SLC25A17: variants seen among roughly 807,000 people sequenced by gnomAD.
SLC25A17 encodes the protein solute carrier family 25 member 17, also known as peroxisomal membrane protein PMP34.
SLC25A17 carries 26 observed loss-of-function variants against 38.5 expected under a neutral mutation model. That is an observed-to-expected ratio of 0.68 (90% CI 0.50 to 0.94). The LOEUF (loss-of-function observed/expected upper bound fraction) is 0.94. Ranked by LOEUF, SLC25A17 falls within the 40% of genes least tolerant of loss-of-function variation. The probability of loss-of-function intolerance (pLI) is 0.00; values close to 1 mark genes in which losing one functional copy is unlikely to be tolerated. For synonymous variants in SLC25A17, 139 were observed against 136.2 expected (o/e 1.02, Z -0.14); for missense variants, 333 against 372.7 (o/e 0.89, Z 0.88).
rs1483747641 is a variant in SLC25A17, at chr22:40,792,532, A to C, written c.327T>G (p.Phe109Leu). ...STTGKDLVVG[F>L]VAGVVNVLLT... ...CCCAGAAAACCTTGTTACCTGCAAC[A>C]AACCCAACTACCAGATCTTTTCCAG... Residue 109 changes from phenylalanine (F) to leucine (L), a missense_variant, in exon 4 of 9, where the codon TTT becomes TTG. By Grantham distance (22) the Phe-to-Leu change is conservative (BLOSUM62 0). Transcript: ENST00000435456. The C allele has an allele frequency of 6.2e-7, 1 of 1,607,810 alleles. No individual in the cohort carries two copies. Among genetic ancestry groups the C allele is most frequent in the Non-Finnish European group, 8.5e-7 (1 of 1,176,872 alleles).
intron 1 of SLC25A17, among the ~76,000 whole-genome samples, chr22:40,811,884 T>A (rs1201018249): frequency 6.6e-6 from 1 of 150,818 alleles, no homozygotes; most frequent in Non-Finnish European, 1.5e-5. Context: ...GGGTCAAACA[T>A]CCAAACTGAG....
At chr22:40,792,194 T>A (rs1395457406) in intron 4 of SLC25A17, among the ~76,000 whole-genome samples, 1 of 152,112 alleles carries the variant, frequency 6.6e-6, no homozygotes, top group African/African-American at 2.4e-5. Context: ...AGTCAAATTC[T>A]TAGAAACCGA....
chr22:40,802,450 G>T (rs1785791170), intron 1 of SLC25A17, among the ~76,000 whole-genome samples: 1 of 152,018 alleles, frequency 6.6e-6, no homozygotes, highest in African/African-American at 2.4e-5. Flanking sequence ...TTCGAGACCA[G>T]CCTGGCCAAC....
Position 40,792,583 on chromosome 22 carries a change from G to T in SLC25A17, c.276C>A (p.Leu92=), listed in dbSNP as rs751877628. The T allele has an allele frequency of 5.0e-6, 8 of 1,614,038 alleles. No individual in the cohort carries two copies. Among genetic ancestry groups the T allele is most frequent in the Non-Finnish European group, 6.8e-6 (8 of 1,179,966 alleles). The change falls in exon 4 of 9, where the codon CTC becomes CTA. Residue 92 remains leucine, a synonymous_variant. Coordinates refer to ENST00000435456, the MANE Select transcript of SLC25A17 (RefSeq NM_006358.4). The part of the protein sequence containing the change: ...YFYTFNSLKA[L]WVKGQHSTTG... Reference sequence around the variant, plus strand: ...TGGTAGAATGTTGACCTTTGACCCAGAGTGCTTTGAGGCTATTAAAAGTGT... The same window carrying T: ...TGGTAGAATGTTGACCTTTGACCCATAGTGCTTTGAGGCTATTAAAAGTGT...
At chr22:40,776,981 A>C in intron 7 of SLC25A17, 59 bp downstream of exon 7, 3 of 1,350,446 alleles carry the variant, frequency 2.2e-6, no homozygotes, top group Non-Finnish European at 2.1e-6. Flanking sequence ...TTTTAAATCA[A>C]GAGACTACAT....
chr22:40,814,802 T>C (rs985557292), intron 1 of SLC25A17, among the ~76,000 whole-genome samples: 1 of 148,236 alleles, frequency 6.7e-6, no homozygotes, highest in Non-Finnish European at 1.5e-5. Flanking sequence ...GTTGTTGTTG[T>C]TGTTGTTTTG....
At chr22:40,785,915 A>G (rs2057334103) in intron 4 of SLC25A17, among the ~76,000 whole-genome samples, 1 of 151,950 alleles carries the variant, frequency 6.6e-6, no homozygotes, top group South Asian at 2.1e-4. Flanking sequence ...GATTATTGAC[A>G]TGAGCCACTG....
At chr22:40,795,447 G>A (rs755339300) in intron 2 of SLC25A17, among the ~76,000 whole-genome samples, 55 of 152,016 alleles carry the variant, frequency 3.6e-4, no homozygotes, top group Non-Finnish European at 5.9e-4. Flanking sequence ...CGCCCACCAC[G>A]ATGCCCGGCT....
At chr22:40,794,468 C>T in intron 3 of SLC25A17, 46 bp downstream of exon 3, 1 of 1,137,430 alleles carries the variant, frequency 8.8e-7, no homozygotes, top group Non-Finnish European at 1.3e-6. Context: ...GCACAGGAAT[C>T]TCCTAACAAG....
chr22:40,799,124 A>G, intron 1 of SLC25A17, 41 bp from the exon 2 acceptor site: 1 of 1,535,758 alleles, frequency 6.5e-7, no homozygotes, highest in Admixed American at 1.8e-5. Context: ...TCACAAACAT[A>G]GTTTAAGTCA....
chr22:40,779,186 G>C (rs1167561127), intron 4 of SLC25A17, 61 bp from the exon 5 acceptor site: 2 of 1,612,188 alleles, frequency 1.2e-6, no homozygotes, highest in African/African-American at 2.7e-5. Flanking sequence ...AAGCTTTGCT[G>C]CTTTAAAGCT....
At chr22:40,779,573 GT>G (rs1383057308) in intron 4 of SLC25A17, 1 of 247,224 alleles carries the variant, frequency 4.0e-6, no homozygotes, top group African/African-American at 2.2e-5. Flanking sequence ...TTTGAAGTGA[GT>G]ATGGATATGG....
intron 4 of SLC25A17, among the ~76,000 whole-genome samples, chr22:40,787,929 T>G (rs917623887): frequency 3.9e-5 from 6 of 152,318 alleles, no homozygotes; most frequent in Admixed American, 6.5e-5. Context: ...TTTACTTTTG[T>G]TTTATTTATA....
intron 3 of SLC25A17, 29 bp downstream of exon 3, chr22:40,794,485 T>C: frequency 2.1e-6 from 3 of 1,462,242 alleles, no homozygotes; most frequent in Non-Finnish European, 2.9e-6. Flanking sequence ...CAAGTTGCTT[T>C]AACGAAGGTG....
intron 4 of SLC25A17, among the ~76,000 whole-genome samples, chr22:40,790,359 A>C (rs991301309): frequency 2.0e-5 from 3 of 151,614 alleles, no homozygotes; most frequent in Non-Finnish European, 4.4e-5. Flanking sequence ...AAAAAAAAAA[A>C]AAAGTGGAAG....
chr22:40,792,769 G>T, intron 3 of SLC25A17, 93 bp from the exon 4 acceptor site: 1 of 1,312,890 alleles, frequency 7.6e-7, no homozygotes, highest in Non-Finnish European at 1.1e-6. Flanking sequence ...CATTCACATG[G>T]TCTCAAGCTT....
chr22:40,813,169 CTCTA>C (rs1389748377), intron 1 of SLC25A17, among the ~76,000 whole-genome samples: 1 of 152,150 alleles, frequency 6.6e-6, no homozygotes, highest in Non-Finnish European at 1.5e-5. Context: ...AACTTCAAAT[CTCTA>C]TGTCTCAATT....
chr22:40,812,928 G>C (rs1602631332), intron 1 of SLC25A17, among the ~76,000 whole-genome samples: 1 of 152,076 alleles, frequency 6.6e-6, no homozygotes, highest in East Asian at 1.9e-4. Flanking sequence ...TGTGGTTTGA[G>C]CTAATAAAAT....
intron 7 of SLC25A17, among the ~76,000 whole-genome samples, chr22:40,775,495 C>T (rs1302489650): frequency 2.5e-4 from 31 of 121,826 alleles, no homozygotes; most frequent in Admixed American, 1.1e-3. Context: ...CTCGCTCTGT[C>T]GCCCAGGCCG....
Sources: allele counts gnomAD v4.1 joint callset (sites outside exome capture counted in the v4.1 genomes callset), GRCh38; gene constraint gnomAD v4.1.1; transcripts MANE v1.5; gene names NCBI Gene and HGNC (gene_info 2026-07-23, HGNC 2026-07-21).